Variants in RTKN2 observed in about 807,000 individuals in gnomAD.
The protein encoded by RTKN2 is rhotekin-2.
In RTKN2, 69 loss-of-function variants were observed where a neutral mutation model predicts 71.5. The ratio of observed to expected loss-of-function variants is 0.96; its 90% CI spans 0.79 to 1.18. RTKN2 has a LOEUF of 1.18. RTKN2 is among the 50% of genes most tolerant of loss of function. RTKN2 has a pLI of 0.00. For missense variants in RTKN2, 724 were observed against 719.7 expected (o/e 1.01, Z -0.07); for synonymous variants, 236 against 236.5 (o/e 1.00, Z 0.02).
intron 9 of RTKN2, among the ~76,000 whole-genome samples, chr10:62,206,599 A>G (rs1589338693): frequency 6.6e-6 from 1 of 152,094 alleles, no homozygotes; most frequent in Non-Finnish European, 1.5e-5. Context: ...ACAATCATTA[A>G]CCATCTTAGA....
rs61850830 is a variant in RTKN2, at chr10:62,218,221, C to T, written c.862G>A (p.Ala288Thr). ...TGCTGATTAAGAAATCCTGCAAATG[C>T]ATCCTCAGCCATACAAGCTGGCTGG... The part of the protein sequence containing the change: ...VAQPACMAED[A>T]FAGFLNQQQM... Residue 288 changes from alanine to threonine, a missense_variant, in exon 8 of 12, where the codon GCA becomes ACA. Physicochemically the swap from Ala to Thr is moderately conservative, Grantham distance 58. Coordinates refer to ENST00000373789, the MANE Select transcript of RTKN2 (RefSeq NM_145307.4). 178,929 of 1,611,338 alleles carry T rather than the reference C, an allele frequency of 0.11. 11,442 individuals are homozygous for T. Among genetic ancestry groups the T allele is most frequent in the South Asian group, 0.24 (21,770 of 90,790 alleles).
Position 62,236,251 on chromosome 10 carries a change from C to G in RTKN2, c.501G>C (p.Gly167=), listed in dbSNP as rs1318776743. The change falls in exon 6 of 12, where the codon GGG becomes GGC. Residue 167 remains glycine, a synonymous_variant. Transcript: ENST00000373789. ...FENVTIFNEA[G]PDFQIKVEVY... Reference sequence around the variant, plus strand: ...CTTCCACCTTTATCTGAAAGTCTGGCCCTGCTTCATTACTAAAAACAAGGG... The same window carrying G: ...CTTCCACCTTTATCTGAAAGTCTGGGCCTGCTTCATTACTAAAAACAAGGG... 1.4e-5 allele frequency: 22 copies of G among 1,604,604 alleles called. No individual in the cohort carries two copies. The highest frequency in any genetic ancestry group is 1.9e-5 in the Non-Finnish European group (22 of 1,174,870).
chr10:62,217,996 A>ATT (rs1222795224), intron 8 of RTKN2, among the ~76,000 whole-genome samples, 199 bp downstream of exon 8: 2 of 152,102 alleles, frequency 1.3e-5, no homozygotes, highest in African/African-American at 4.8e-5. Context: ...AGCCATCAAC[A>ATT]TCGCAGTAGA....
At chr10:62,212,701 TCAAACAAA>T (rs574258259) in intron 9 of RTKN2, among the ~76,000 whole-genome samples, 1 of 151,896 alleles carries the variant, frequency 6.6e-6, no homozygotes, top group African/African-American at 2.4e-5. Flanking sequence ...AGACCCTGTC[TCAAACAAA>T]CAAACAAACA....
At chr10:62,263,759 T>C (rs1175946420) in intron 1 of RTKN2, among the ~76,000 whole-genome samples, 3 of 152,202 alleles carry the variant, frequency 2.0e-5, no homozygotes, top group Non-Finnish European at 4.4e-5. Flanking sequence ...GCCTTAGCTA[T>C]CTGGAACAGA....
intron 9 of RTKN2, among the ~76,000 whole-genome samples, chr10:62,211,696 T>C (rs1215025230): frequency 7.2e-5 from 11 of 152,192 alleles, no homozygotes; most frequent in Non-Finnish European, 7.3e-5. Flanking sequence ...AGTCTCACTC[T>C]GTCACCCAGG....
chr10:62,199,199 T>C (rs1841390612), intron 11 of RTKN2, among the ~76,000 whole-genome samples: 1 of 152,228 alleles, frequency 6.6e-6, no homozygotes, highest in Non-Finnish European at 1.5e-5. Flanking sequence ...TGACTTGCAC[T>C]TGTTCACAAC....
chr10:62,208,166 T>A (rs1262517974), intron 9 of RTKN2, among the ~76,000 whole-genome samples: 1 of 152,190 alleles, frequency 6.6e-6, no homozygotes, highest in Non-Finnish European at 1.5e-5. Flanking sequence ...TTTAGGTTTT[T>A]AAAAATTATT....
chr10:62,255,118 T>C lies in RTKN2; in HGVS notation c.257+7507A>G, dbSNP rs188358263. ...TATGTTGGAAAATTTTCATAATTTC[T>C]GTATGTTAAAAAAGAATTGTAAGGA... On this transcript the variant is annotated intron_variant, in intron 2 of 11. Coordinates refer to ENST00000373789, the MANE Select transcript of RTKN2 (RefSeq NM_145307.4). Among the ~76,000 whole-genome samples the C allele has an allele frequency of 3.9e-5, 6 of 152,354 alleles. No homozygotes were observed. The East Asian group carries it at 1.2e-3, about 29-fold the overall frequency.
Position 62,239,753 on chromosome 10 carries a change from T to G in RTKN2, c.383A>C (p.Tyr128Ser), listed in dbSNP as rs373537385. 1.3e-6 allele frequency: 2 copies of G among 1,576,902 alleles called. No homozygotes were observed. Among genetic ancestry groups the G allele is most frequent in the Non-Finnish European group, 1.7e-6 (2 of 1,153,130 alleles). Reference protein sequence around the residue: ...HFSNKERSRRYAIFCLFKMGA... With the variant: ...HFSNKERSRRSAIFCLFKMGA... ...CATTTTGAATAAACAAAAAATGGCA[T>G]AGCGTCGTGATCCTGGAGGAAAAAT... Residue 128 changes from tyrosine to serine, a missense_variant, in exon 5 of 12, where the codon TAT becomes TCT. Transcript: ENST00000373789.
exon 9 of RTKN2, chr10:62,184,165 T>C (rs1841097896): frequency 3.7e-6 from 2 of 543,134 alleles, no homozygotes; most frequent in Non-Finnish European, 6.4e-6. Flanking sequence ...TAAATATTCT[T>C]CTAAGGTCAC....
At chr10:62,200,914 T>A (rs1479114144) in intron 10 of RTKN2, among the ~76,000 whole-genome samples, 3 of 152,166 alleles carry the variant, frequency 2.0e-5, no homozygotes, top group Non-Finnish European at 4.4e-5. Flanking sequence ...AACTATTAAG[T>A]TAAAATTTGA....
chr10:62,262,615 T>C lies in RTKN2; in HGVS notation c.257+10A>G, dbSNP rs114958070. 7.4e-4 allele frequency: 1,155 copies of C among 1,571,160 alleles called. 6 individuals carry two copies. The African/African-American group carries it at 0.013, about 17-fold the overall frequency. ...TACATTAAAAGCCACAGGTAAACTA[T>C]GTTACTAACCATCTTCCAGTCTGAT... On this transcript the variant is annotated intron_variant, in intron 2 of 11. Transcript: ENST00000373789.
At chr10:62,242,345 T>C (rs1842393642) in intron 3 of RTKN2, among the ~76,000 whole-genome samples, 1 of 152,202 alleles carries the variant, frequency 6.6e-6, no homozygotes, top group African/African-American at 2.4e-5. Context: ...CTGATAACTT[T>C]ATAATATTCT....
At chr10:62,220,068 C>A (rs1841871725) in intron 7 of RTKN2, among the ~76,000 whole-genome samples, 1 of 152,096 alleles carries the variant, frequency 6.6e-6, no homozygotes, top group Non-Finnish European at 1.5e-5. Context: ...TAGCTACTGG[C>A]CGTAACTATT....
chr10:62,198,047 G>C lies in RTKN2; in HGVS notation c.1691C>G (p.Pro564Arg), dbSNP rs574196507. Residue 564 changes from proline (P) to arginine (R), a missense_variant, in exon 12 of 12, where the codon CCT (proline) becomes CGT (arginine). Coordinates refer to ENST00000373789, the MANE Select transcript of RTKN2 (RefSeq NM_145307.4). ...ATCACTTAATCTATTTCTCCTGGCA[G>C]GCAGAAGTTTTCGAGGAGCAGCCAT... ...KPMAAPRKLLPARRNRLSDGE... is the reference protein window; with the variant it reads ...KPMAAPRKLLRARRNRLSDGE... 8.7e-6 allele frequency: 14 copies of C among 1,614,046 alleles called. No homozygotes were observed. In the African/African-American group the frequency reaches 1.9e-4, roughly 22 times the overall value.
At chr10:62,250,107 A>T (rs754502209) in intron 2 of RTKN2, among the ~76,000 whole-genome samples, 1 of 152,252 alleles carries the variant, frequency 6.6e-6, no homozygotes, top group Non-Finnish European at 1.5e-5. Context: ...CGTCAAAACC[A>T]GCTTGTAGAA....
At chr10:62,217,572 A>G (rs566368101) in intron 8 of RTKN2, among the ~76,000 whole-genome samples, 1 of 152,322 alleles carries the variant, frequency 6.6e-6, no homozygotes, top group South Asian at 2.1e-4. Flanking sequence ...AGAATTCTAT[A>G]GCAATTCATC....
intron 2 of RTKN2, among the ~76,000 whole-genome samples, chr10:62,252,894 T>G (rs893850064): frequency 1.3e-5 from 2 of 152,042 alleles, no homozygotes; most frequent in African/African-American, 2.4e-5. Flanking sequence ...TAGTAACTAC[T>G]ATGACTTATA....
Sources: gnomAD v4.1 joint callset for allele counts (sites outside exome capture counted in the v4.1 genomes callset) on GRCh38, gnomAD v4.1.1 for gene constraint, MANE v1.5 for transcripts, NCBI Gene and HGNC (gene_info 2026-07-23, HGNC 2026-07-21) for gene names.